SLIT3: variants seen among roughly 807,000 people sequenced by gnomAD.
SLIT3 encodes slit homolog 3 protein.
A neutral mutation model predicts 184.0 loss-of-function variants in SLIT3; 68 were observed. The observed-to-expected ratio is 0.37, with a 90% CI of 0.30 to 0.45. SLIT3 has a LOEUF of 0.45. Ranked by LOEUF, SLIT3 falls within the 20% of genes least tolerant of loss-of-function variation. SLIT3 has a pLI of 1.00. For missense variants in SLIT3, 1,707 were observed against 2,026.0 expected (o/e 0.84, Z 3.02); for synonymous variants, 831 against 828.6 (o/e 1.00, Z -0.05).
At chr5:169,046,870 C>T (rs1252478096) in intron 4 of SLIT3, among the ~76,000 whole-genome samples, 4 of 152,200 alleles carry the variant, frequency 2.6e-5, no homozygotes, top group Non-Finnish European at 5.9e-5. Flanking sequence ...AGCCCTCTCT[C>T]CAGGCCTGTG....
chr5:169,042,605 A>G (rs971027030), intron 4 of SLIT3, among the ~76,000 whole-genome samples: 2 of 152,166 alleles, frequency 1.3e-5, no homozygotes, highest in African/African-American at 2.4e-5. Flanking sequence ...GAAGAATGAG[A>G]TTAGTGAAAT....
chr5:169,119,141 G>A (rs764120349), intron 4 of SLIT3, among the ~76,000 whole-genome samples: 1 of 152,182 alleles, frequency 6.6e-6, no homozygotes, highest in Non-Finnish European at 1.5e-5. Context: ...AAGCATCAAA[G>A]CTGATACATA....
At chr5:168,699,803 C>T (rs1762163107) in intron 27 of SLIT3, among the ~76,000 whole-genome samples, 2 of 152,130 alleles carry the variant, frequency 1.3e-5, no homozygotes, top group South Asian at 4.1e-4. Context: ...AAATACTTGA[C>T]TAGTTGGTAC....
At chr5:168,919,542 G>A (rs966288462) in intron 4 of SLIT3, among the ~76,000 whole-genome samples, 4 of 152,008 alleles carry the variant, frequency 2.6e-5, no homozygotes, top group East Asian at 1.9e-4. Flanking sequence ...GAAACTCTCT[G>A]GAAAGAGACT....
At chr5:168,690,384 G>T (rs1050560262) in intron 29 of SLIT3, among the ~76,000 whole-genome samples, 3 of 152,148 alleles carry the variant, frequency 2.0e-5, no homozygotes, top group African/African-American at 7.2e-5. Flanking sequence ...GCTGGTGTAA[G>T]CCTGTGTCCT....
At chr5:169,277,386 A>C (rs1007276834) in intron 1 of SLIT3, among the ~76,000 whole-genome samples, 4 of 152,086 alleles carry the variant, frequency 2.6e-5, no homozygotes, top group African/African-American at 9.7e-5. Flanking sequence ...TTGCACCACT[A>C]TGCCCAGCTA....
At chr5:168,799,453 A>G (rs1756686301) in intron 9 of SLIT3, among the ~76,000 whole-genome samples, 1 of 152,236 alleles carries the variant, frequency 6.6e-6, no homozygotes, top group Non-Finnish European at 1.5e-5. Flanking sequence ...CGCACCAGCA[A>G]AAACAATGGG....
chr5:168,831,361 G>T (rs548764042), intron 6 of SLIT3, among the ~76,000 whole-genome samples: 1 of 152,146 alleles, frequency 6.6e-6, no homozygotes, highest in African/African-American at 2.4e-5. Context: ...CATCTCTTTC[G>T]CATTACCTGC....
chr5:168,735,371 C>A lies in SLIT3; in HGVS notation c.2271-10887G>T, dbSNP rs762215999. On this transcript the variant is annotated intron_variant, in intron 20 of 35. Coordinates refer to ENST00000519560, the MANE Select transcript of SLIT3 (RefSeq NM_003062.4). The stretch of plus-strand genomic sequence containing the variant: ...ACCTTCCCAGAGACTCTGCTCCAGG[C>A]CAGAATTTCCACTAGAGTCCTGGAG... 1.1e-4 allele frequency among the ~76,000 whole-genome samples: 17 copies of A among 152,078 alleles called. 1 individual carries two copies. Among genetic ancestry groups the A allele is most frequent in the Non-Finnish European group, 2.2e-4 (15 of 68,008 alleles).
At chr5:168,959,671 G>A (rs1284179982) in intron 4 of SLIT3, among the ~76,000 whole-genome samples, 17 of 152,122 alleles carry the variant, frequency 1.1e-4, no homozygotes, top group Non-Finnish European at 1.8e-4. Flanking sequence ...GGAAGAGGGC[G>A]TCTGGAGCTT....
intron 4 of SLIT3, among the ~76,000 whole-genome samples, chr5:168,934,954 C>T (rs1462615468): frequency 6.9e-6 from 1 of 145,392 alleles, no homozygotes; most frequent in Non-Finnish European, 1.5e-5. Context: ...ACGGTGAAAC[C>T]CCATCTCTAC....
chr5:169,205,896 G>C (rs930841441), intron 3 of SLIT3, among the ~76,000 whole-genome samples: 22 of 152,170 alleles, frequency 1.4e-4, no homozygotes, highest in Admixed American at 1.3e-4. Context: ...TGAGAGCTTG[G>C]AGCAAGAGGC....
chr5:169,033,279 G>A (rs1275837868), intron 4 of SLIT3, among the ~76,000 whole-genome samples: 4 of 152,074 alleles, frequency 2.6e-5, no homozygotes, highest in South Asian at 2.1e-4. Flanking sequence ...TGTGGCAAAG[G>A]CAAGATCTTT....
At chr5:169,110,327 C>T (rs1760366887) in intron 4 of SLIT3, among the ~76,000 whole-genome samples, 1 of 152,132 alleles carries the variant, frequency 6.6e-6, no homozygotes, top group African/African-American at 2.4e-5. Flanking sequence ...GTATGAGTTC[C>T]CTAAAGCTGC....
intron 4 of SLIT3, among the ~76,000 whole-genome samples, chr5:168,914,196 G>T (rs983797584): frequency 3.3e-5 from 5 of 152,318 alleles, no homozygotes; most frequent in African/African-American, 1.2e-4. Context: ...GGACTGCTTG[G>T]TCAAAAAGGC....
At chr5:168,857,550 T>A (rs1758931728) in intron 5 of SLIT3, among the ~76,000 whole-genome samples, 1 of 152,126 alleles carries the variant, frequency 6.6e-6, no homozygotes, top group South Asian at 2.1e-4. Flanking sequence ...AATAGATGAT[T>A]TCTATGGGCC....
chr5:169,091,884 G>A (rs1232524859), intron 4 of SLIT3, among the ~76,000 whole-genome samples: 3 of 152,222 alleles, frequency 2.0e-5, no homozygotes, highest in African/African-American at 4.8e-5. Flanking sequence ...AAGGTTGACA[G>A]CCTGGGATGG....
intron 26 of SLIT3, among the ~76,000 whole-genome samples, chr5:168,703,040 G>C (rs762302697): frequency 1.6e-3 from 246 of 152,260 alleles, no homozygotes; most frequent in Non-Finnish European, 3.0e-3. Context: ...CCTAGCGCTT[G>C]ATGACATGGT....
chr5:169,268,320 C>T (rs535625969), intron 1 of SLIT3, among the ~76,000 whole-genome samples: 4 of 152,248 alleles, frequency 2.6e-5, no homozygotes, highest in South Asian at 2.1e-4. Flanking sequence ...CCGAGTGACA[C>T]GCAGGAAATC....
Sources: gnomAD v4.1 joint callset for allele counts (sites outside exome capture counted in the v4.1 genomes callset) on GRCh38, gnomAD v4.1.1 for gene constraint, MANE v1.5 for transcripts, NCBI Gene and HGNC (gene_info 2026-07-23, HGNC 2026-07-21) for gene names.